The following TXNDC9 variants were observed in gnomAD, a reference collection of about 807,000 sequenced individuals.
TXNDC9 encodes the protein thioredoxin domain-containing protein 9.
Under a neutral mutation model 23.0 loss-of-function variants are expected in TXNDC9, and 7 were observed. The observed-to-expected ratio is 0.30, with a 90% CI of 0.17 to 0.57. TXNDC9 has a LOEUF of 0.57. Among genes scored for constraint, TXNDC9 ranks in the 20% least tolerant of loss-of-function variants. TXNDC9 has a pLI of 0.90. For synonymous variants in TXNDC9, 72 were observed against 90.6 expected, an observed-to-expected ratio of 0.79 and a Z score of 1.17; for missense variants, 198 against 252.6, an observed-to-expected ratio of 0.78 and a Z score of 1.47.
downstream of TXNDC9, among the ~76,000 whole-genome samples, chr2:99,314,007 G>T (rs1307366309): frequency 6.6e-6 from 1 of 151,854 alleles, no homozygotes; most frequent in Non-Finnish European, 1.5e-5. Context: ...ATTTGTTTTG[G>T]GGCCACTGAA....
chr2:99,327,729 A>G, intron 2 of TXNDC9, 76 bp from the exon 3 acceptor site: 1 of 848,856 alleles, frequency 1.2e-6, no homozygotes, highest in African/African-American at 1.7e-5. Flanking sequence ...AAGTGTCCAA[A>G]TCACCATCGT....
At chr2:99,328,339 C>T (rs1330463565) in intron 2 of TXNDC9, among the ~76,000 whole-genome samples, 1 of 151,054 alleles carries the variant, frequency 6.6e-6, no homozygotes, top group Non-Finnish European at 1.5e-5. Flanking sequence ...TCGGTTCAAG[C>T]AATCCTCCCA....
At chr2:99,334,486 C>G (rs1197997898) in intron 1 of TXNDC9, among the ~76,000 whole-genome samples, 1 of 152,228 alleles carries the variant, frequency 6.6e-6, no homozygotes, top group Non-Finnish European at 1.5e-5. Flanking sequence ...CTGCTACACA[C>G]CTAGGCTATG....
chr2:99,326,631 T>C (rs2094213294), intron 3 of TXNDC9, among the ~76,000 whole-genome samples: 1 of 152,248 alleles, frequency 6.6e-6, no homozygotes, highest in Admixed American at 6.5e-5. Flanking sequence ...CGATGTGACC[T>C]CTTCTGAGGA....
At chr2:99,334,744 G>A (rs1346159509) in intron 1 of TXNDC9, among the ~76,000 whole-genome samples, 2 of 151,822 alleles carry the variant, frequency 1.3e-5, no homozygotes, top group African/African-American at 2.4e-5. Flanking sequence ...ACGGAGTCTC[G>A]CTCTGTCGCC....
chr2:99,312,462 A>G, the TXNDC9 span, among the ~76,000 whole-genome samples: 1 of 151,300 alleles, frequency 6.6e-6, no homozygotes, highest in Non-Finnish European at 1.5e-5. Flanking sequence ...GCACCACTGC[A>G]CTACAGCCTG....
chr2:99,317,383 CTTG>C (rs1293706269), downstream of TXNDC9, among the ~76,000 whole-genome samples: 4 of 152,082 alleles, frequency 2.6e-5, no homozygotes, highest in Non-Finnish European at 5.9e-5. Flanking sequence ...CGCATTTCTT[CTTG>C]TTTAGTTTCT....
chr2:99,328,220 C>A (rs2094217293), intron 2 of TXNDC9, among the ~76,000 whole-genome samples: 1 of 151,748 alleles, frequency 6.6e-6, no homozygotes. Context: ...GTCAGTCTCC[C>A]AAGGAATTGG....
intron 4 of TXNDC9, chr2:99,321,205 G>C (rs113388460): frequency 6.6e-6 from 1 of 152,112 alleles, no homozygotes; most frequent in Admixed American, 6.5e-5. Flanking sequence ...AGGGAAATGG[G>C]GGAGAAAGAA....
In TXNDC9 at chr2:99,327,620, C is replaced by G; in HGVS notation, c.223G>C (p.Glu75Gln). 6.2e-7 allele frequency: 1 copy of G among 1,613,788 alleles called. No homozygotes were observed. The highest frequency in any genetic ancestry group is 8.5e-7 in the Non-Finnish European group (1 of 1,179,836). ...WLSKGHGEYR[E>Q]IPSERDFFQE... ...AAAAAGTCTCTTTCACTAGGGATTTCTCTGTATTCCCCATGTCCTTTAGAA... is the reference window on the plus strand; with the variant it reads ...AAAAAGTCTCTTTCACTAGGGATTTGTCTGTATTCCCCATGTCCTTTAGAA... The change falls in exon 3 of 5, where the codon GAA (glutamate) becomes CAA (glutamine). Residue 75 changes from glutamate to glutamine, a missense_variant. Glu to Gln is a conservative substitution (Grantham distance 29). Coordinates refer to ENST00000264255, the MANE Select transcript of TXNDC9 (RefSeq NM_005783.4).
the TXNDC9 span, among the ~76,000 whole-genome samples, chr2:99,309,897 G>C: frequency 6.6e-6 from 1 of 151,990 alleles, no homozygotes; most frequent in Non-Finnish European, 1.5e-5. Flanking sequence ...TGTTGGTCAA[G>C]CTGGTTTGAA....
chr2:99,315,062 A>ATTT (rs748634802), downstream of TXNDC9, among the ~76,000 whole-genome samples: 1 of 107,976 alleles, frequency 9.3e-6, no homozygotes, highest in Non-Finnish European at 2.0e-5. Flanking sequence ...CGCCTGGTTA[A>ATTT]TTTTTTTTTT....
the TXNDC9 span, among the ~76,000 whole-genome samples, chr2:99,308,630 G>A: frequency 2.0e-5 from 3 of 151,870 alleles, no homozygotes. Context: ...GAGAAGATTA[G>A]AATAACAAGA....
At chr2:99,317,590 T>C (rs1426901059), downstream of TXNDC9, among the ~76,000 whole-genome samples, 6 of 152,214 alleles carry the variant, frequency 3.9e-5, no homozygotes, top group Non-Finnish European at 5.9e-5. Context: ...GAACCTCTTT[T>C]GTTATCACAT....
At chr2:99,324,093 G>T (rs891478546) in intron 3 of TXNDC9, among the ~76,000 whole-genome samples, 1 of 152,118 alleles carries the variant, frequency 6.6e-6, no homozygotes, top group African/African-American at 2.4e-5. Flanking sequence ...CAATCCACCT[G>T]CCTCAGCCTC....
chr2:99,327,494 T>C (rs1287758075), intron 3 of TXNDC9, 41 bp downstream of exon 3: 1 of 1,396,644 alleles, frequency 7.2e-7, no homozygotes, highest in Non-Finnish European at 1.0e-6. Context: ...AACAATTCAC[T>C]GTGTTTTTTT....
downstream of TXNDC9, among the ~76,000 whole-genome samples, chr2:99,314,529 C>CTTTT (rs55729391): frequency 0.012 from 1,191 of 97,338 alleles, 111 homozygotes; most frequent in Middle Eastern, 0.031. Flanking sequence ...AATACTACAC[C>CTTTT]TTTTTTTTTT....
At chr2:99,306,317 G>T in the TXNDC9 span, among the ~76,000 whole-genome samples, 2 of 152,160 alleles carry the variant, frequency 1.3e-5, no homozygotes, top group Non-Finnish European at 2.9e-5. Context: ...AAGTGTGAAC[G>T]TTTTCTTGAA....
downstream of TXNDC9, among the ~76,000 whole-genome samples, chr2:99,315,914 A>T (rs1342464012): frequency 6.6e-6 from 1 of 152,190 alleles, no homozygotes; most frequent in Non-Finnish European, 1.5e-5. Flanking sequence ...TATGTTATTT[A>T]TCAAGATTAT....
Sources: allele counts gnomAD v4.1 joint callset (sites outside exome capture counted in the v4.1 genomes callset), GRCh38; gene constraint gnomAD v4.1.1; transcripts MANE v1.5; gene names NCBI Gene and HGNC (gene_info 2026-07-23, HGNC 2026-07-21).